The following APLP2 variants were observed in gnomAD, a reference collection of about 807,000 sequenced individuals.
APLP2 encodes the protein amyloid beta precursor like protein 2.
APLP2 carries 53 observed loss-of-function variants against 89.9 expected under a neutral mutation model. The observed-to-expected ratio is 0.59, with a 90% confidence interval of 0.47 to 0.74. The LOEUF (loss-of-function observed/expected upper bound fraction) is 0.74, where lower values mean the gene tolerates loss of function less well. Ranked by LOEUF, APLP2 falls within the 30% of genes least tolerant of loss-of-function variation. APLP2 has a pLI of 0.00. For missense variants in APLP2, 973 were observed against 975.9 expected (o/e 1.00, Z 0.04); for synonymous variants, 372 against 348.6 (o/e 1.07, Z -0.75).
At chr11:130,138,245 GTGT>G (rs1483695104) in intron 13 of APLP2, among the ~76,000 whole-genome samples, 2 of 152,212 alleles carry the variant, frequency 1.3e-5, no homozygotes, top group East Asian at 1.9e-4. Context: ...TAAGAAGGTG[GTGT>G]TCTGGTTTAC....
intron 1 of APLP2, 59 bp from the exon 2 acceptor site, chr11:130,109,370 A>G: frequency 6.7e-7 from 1 of 1,485,692 alleles, no homozygotes; most frequent in East Asian, 2.3e-5. Flanking sequence ...GACCTGAATG[A>G]CTGTTGCCTC....
rs1330233605 is a variant in APLP2 at position 130,143,548 on chromosome 11, C to T, written c.*100C>T. On this transcript the variant is annotated 3_prime_UTR_variant, in exon 17 of 17. Transcript: ENST00000338167. ...AAGCAGCAGCCGCTGCCAGGGGCTG[C>T]GTCTGACATCCTGACCTCCTGGACT... The T allele has an allele frequency of 1.2e-5, 12 of 965,450 alleles. No individual in the cohort carries two copies. Among genetic ancestry groups the T allele is most frequent in the Admixed American group, 1.8e-5 (1 of 55,386 alleles). The allele number at this position is 965,450 out of a possible 1,614,324, so 59.8% of individuals were successfully genotyped here.
At chr11:130,128,660 A>G (rs190318119) in intron 9 of APLP2, among the ~76,000 whole-genome samples, 26 of 152,300 alleles carry the variant, frequency 1.7e-4, no homozygotes, top group Admixed American at 4.6e-4. Flanking sequence ...AGAACTTACC[A>G]CATAACTCCC....
intron 1 of APLP2, among the ~76,000 whole-genome samples, chr11:130,075,533 G>A (rs1007711789): frequency 1.3e-5 from 2 of 152,082 alleles, no homozygotes; most frequent in Admixed American, 6.6e-5. Flanking sequence ...TGATTTCTAG[G>A]CCCTAACCCC....
chr11:130,079,077 TA>T (rs1307996495), intron 1 of APLP2, among the ~76,000 whole-genome samples: 2 of 135,684 alleles, frequency 1.5e-5, no homozygotes, highest in African/African-American at 6.6e-5. Flanking sequence ...ACATGACATG[TA>T]TTTTTTTTAT....
intron 1 of APLP2, among the ~76,000 whole-genome samples, chr11:130,096,031 A>G (rs77289789): frequency 0.02 from 3,092 of 152,296 alleles, 112 homozygotes; most frequent in African/African-American, 0.072. Flanking sequence ...TGAGAGAGAT[A>G]AAACCTGGAA....
chr11:130,117,075 G>C (rs913983752), intron 3 of APLP2, among the ~76,000 whole-genome samples: 13 of 152,008 alleles, frequency 8.6e-5, no homozygotes, highest in Non-Finnish European at 1.8e-4. Flanking sequence ...AGGATGCAGT[G>C]AGCCAAGATT....
At chr11:130,092,807 A>G (rs1403112891) in intron 1 of APLP2, among the ~76,000 whole-genome samples, 1 of 152,090 alleles carries the variant, frequency 6.6e-6, no homozygotes, top group Non-Finnish European at 1.5e-5. Context: ...AAGAACAGGA[A>G]GGGAGAGATG....
At chr11:130,070,619 C>G (rs1940811069) in intron 1 of APLP2, 1 of 1,430,186 alleles carries the variant, frequency 7.0e-7, no homozygotes, top group Non-Finnish European at 9.1e-7. Flanking sequence ...AGGGATGCTG[C>G]GAGCCCCGGG....
At chr11:130,110,480 G>C (rs1948408290) in intron 2 of APLP2, 58 bp from the exon 3 acceptor site, 5 of 1,594,512 alleles carry the variant, frequency 3.1e-6, no homozygotes, top group African/African-American at 1.3e-5. Flanking sequence ...ATCCTTACTT[G>C]CAAGTGTGTG....
chr11:130,113,230 A>G (rs1323300916), intron 3 of APLP2, among the ~76,000 whole-genome samples: 1 of 152,240 alleles, frequency 6.6e-6, no homozygotes, highest in Non-Finnish European at 1.5e-5. Flanking sequence ...ATTACAACAC[A>G]AAAATACTAC....
At chr11:130,090,147 G>A (rs963399516) in intron 1 of APLP2, among the ~76,000 whole-genome samples, 1 of 151,820 alleles carries the variant, frequency 6.6e-6, no homozygotes, top group Non-Finnish European at 1.5e-5. Flanking sequence ...TATGATCTTG[G>A]GAATACTTTC....
intron 1 of APLP2, among the ~76,000 whole-genome samples, chr11:130,070,292 G>A (rs1307091320): frequency 6.6e-6 from 1 of 151,286 alleles, no homozygotes; most frequent in Non-Finnish European, 1.5e-5. Context: ...CCGCCGCAGA[G>A]GCCAAATGAA....
At chr11:130,128,077 G>A (rs1166904280) in intron 9 of APLP2, among the ~76,000 whole-genome samples, 1 of 152,220 alleles carries the variant, frequency 6.6e-6, no homozygotes, top group African/African-American at 2.4e-5. Flanking sequence ...CCTTAGCTCA[G>A]CTGCCTTTCG....
intron 1 of APLP2, among the ~76,000 whole-genome samples, chr11:130,099,394 CAA>C (rs1467034766): frequency 2.0e-5 from 3 of 152,140 alleles, no homozygotes; most frequent in Admixed American, 6.5e-5. Context: ...AAACTAAGGT[CAA>C]GAGAGATTAA....
chr11:130,101,984 TTG>T (rs1203797513), intron 1 of APLP2: 7 of 456,136 alleles, frequency 1.5e-5, no homozygotes, highest in Non-Finnish European at 2.6e-5. Flanking sequence ...AAATGTCTCA[TTG>T]TGGATGAGAT....
intron 11 of APLP2, among the ~76,000 whole-genome samples, chr11:130,131,097 G>GT (rs928467375): frequency 1.1e-4 from 16 of 152,146 alleles, no homozygotes; most frequent in Non-Finnish European, 1.8e-4. Context: ...AAGAGCAGGT[G>GT]TTTTTTTGTC....
chr11:130,086,302 T>C (rs1944113208), intron 1 of APLP2, among the ~76,000 whole-genome samples: 1 of 152,266 alleles, frequency 6.6e-6, no homozygotes, highest in African/African-American at 2.4e-5. Flanking sequence ...TTGAGTATCT[T>C]TTCATGTTGA....
Position 130,123,914 on chromosome 11 carries a change from T to C in APLP2, c.1090+135T>C. 6.3e-6 allele frequency: 6 copies of C among 952,250 alleles called. No homozygotes were observed. The highest frequency in any genetic ancestry group is 9.5e-6 in the Non-Finnish European group (6 of 630,816). The allele number at this position is 952,250 out of a possible 1,614,324, so 59.0% of individuals were successfully genotyped here. On this transcript the variant is annotated intron_variant, in intron 7 of 16. Coordinates refer to ENST00000338167, the MANE Select transcript of APLP2 (RefSeq NM_001142276.2). The surrounding 1 kb of genome is among the most constrained non-coding windows in gnomAD (Gnocchi z 4.0). ...TTTGCTGTCGGTCGTCTTCCCCTCA[T>C]CTTTGTGCTTTCTAGATCTAGGCTT...
Sources: allele counts gnomAD v4.1 joint callset (sites outside exome capture counted in the v4.1 genomes callset), GRCh38; gene constraint gnomAD v4.1.1; non-coding constraint Gnocchi (gnomAD v3.1); transcripts MANE v1.5; gene names NCBI Gene and HGNC (gene_info 2026-07-23, HGNC 2026-07-21).